GRM7: variants seen among roughly 807,000 people sequenced by gnomAD.
GRM7 encodes the protein metabotropic glutamate receptor 7.
Under a neutral mutation model 84.5 loss-of-function variants are expected in GRM7, and 35 were observed. That is an observed-to-expected ratio of 0.41 (90% CI 0.32 to 0.55). GRM7 has a LOEUF of 0.55. Among genes scored for constraint, GRM7 ranks in the 20% least tolerant of loss-of-function variants. GRM7 has a pLI of 0.19. For missense variants in GRM7, 1,003 were observed against 1,194.6 expected, an observed-to-expected ratio of 0.84 and a Z score of 2.36; for synonymous variants, 487 against 455.1, an observed-to-expected ratio of 1.07 and a Z score of -0.89.
intron 4 of GRM7, among the ~76,000 whole-genome samples, chr3:7,321,053 C>T (rs1317518811): frequency 6.6e-6 from 1 of 151,802 alleles, no homozygotes; most frequent in African/African-American, 2.4e-5. Flanking sequence ...CTTCTTTAGG[C>T]CTCACTGCTA....
intron 7 of GRM7, among the ~76,000 whole-genome samples, chr3:7,528,360 G>A (rs771059754): frequency 6.6e-6 from 1 of 151,908 alleles, no homozygotes; most frequent in African/African-American, 2.4e-5. Flanking sequence ...CTGTGGAATT[G>A]GTTGTAATGT....
chr3:7,140,551 T>C (rs1385483210), intron 1 of GRM7, among the ~76,000 whole-genome samples: 1 of 152,034 alleles, frequency 6.6e-6, no homozygotes, highest in Admixed American at 6.6e-5. Context: ...GGTTCTTTAT[T>C]TGTAAAAACA....
intron 1 of GRM7, among the ~76,000 whole-genome samples, chr3:7,064,479 T>TACACAC (rs372086997): frequency 1.0e-5 from 1 of 99,382 alleles, no homozygotes; most frequent in African/African-American, 3.9e-5. Flanking sequence ...TATATATATA[T>TACACAC]ACACACATAT....
chr3:7,497,573 G>T (rs1367847248), intron 7 of GRM7, among the ~76,000 whole-genome samples: 1 of 152,158 alleles, frequency 6.6e-6, no homozygotes, highest in Non-Finnish European at 1.5e-5. Flanking sequence ...ACTTTGCAAA[G>T]AATGTCTGCA....
At chr3:7,395,937 A>G (rs749034743) in intron 4 of GRM7, among the ~76,000 whole-genome samples, 1 of 152,206 alleles carries the variant, frequency 6.6e-6, no homozygotes, top group Non-Finnish European at 1.5e-5. Context: ...TAAATGATAC[A>G]TGTTTGGGAT....
At chr3:7,585,551 T>C (rs1695480652) in intron 8 of GRM7, among the ~76,000 whole-genome samples, 1 of 152,202 alleles carries the variant, frequency 6.6e-6, no homozygotes, top group African/African-American at 2.4e-5. Context: ...AAGGCTTTAA[T>C]CACTGGAAGT....
intron 4 of GRM7, among the ~76,000 whole-genome samples, chr3:7,326,674 C>A (rs1326557965): frequency 2.6e-5 from 4 of 151,826 alleles, no homozygotes; most frequent in Non-Finnish European, 5.9e-5. Flanking sequence ...ATGGCGAAAC[C>A]CCATTTCTAG....
intron 8 of GRM7, among the ~76,000 whole-genome samples, chr3:7,638,875 C>A (rs1698229423): frequency 6.6e-6 from 1 of 152,196 alleles, no homozygotes; most frequent in Admixed American, 6.5e-5. Flanking sequence ...GAAGAGAGAG[C>A]TAATGATTTG....
At chr3:6,923,101 G>C (rs1697179523) in intron 1 of GRM7, among the ~76,000 whole-genome samples, 1 of 151,636 alleles carries the variant, frequency 6.6e-6, no homozygotes, top group Admixed American at 6.6e-5. Flanking sequence ...TGCAACCTCT[G>C]CCCCCAGGAC....
intron 2 of GRM7, among the ~76,000 whole-genome samples, chr3:7,200,288 G>C (rs1329649493): frequency 6.6e-6 from 1 of 152,168 alleles, no homozygotes; most frequent in Non-Finnish European, 1.5e-5. Context: ...CATGACTTTT[G>C]ATGGGAACAA....
chr3:7,261,370 G>C (rs1046977780), intron 2 of GRM7, among the ~76,000 whole-genome samples: 9 of 152,168 alleles, frequency 5.9e-5, no homozygotes, highest in African/African-American at 2.2e-4. Flanking sequence ...TGGTCCAAGA[G>C]AGTGGTTTGT....
At chr3:7,253,101 A>G (rs1698065157) in intron 2 of GRM7, among the ~76,000 whole-genome samples, 3 of 151,052 alleles carry the variant, frequency 2.0e-5, no homozygotes, top group Non-Finnish European at 2.9e-5. Flanking sequence ...GTTGAGGGGT[A>G]GATGGCTGTA....
At position 7,539,294 on chromosome 3, in the gene GRM7, G is replaced by A. The variant is rs139475472; in HGVS notation, c.1516-39128G>A. 4.3e-3 allele frequency among the ~76,000 whole-genome samples: 662 copies of A among 152,228 alleles called. 3 individuals carry two copies. The highest frequency in any genetic ancestry group is 0.015 in the African/African-American group (612 of 41,538). On this transcript the variant is annotated intron_variant, in intron 7 of 9. Coordinates refer to ENST00000357716, the MANE Select transcript of GRM7 (RefSeq NM_000844.4). The stretch of plus-strand genomic sequence containing the variant: ...TTAAAAAATGTCACGAGAACAGCGT[G>A]CGTAATTCCATGAAAAAGATGTGCT...
intron 8 of GRM7, among the ~76,000 whole-genome samples, chr3:7,611,865 T>G (rs550698541): frequency 6.6e-6 from 1 of 152,194 alleles, no homozygotes; most frequent in Non-Finnish European, 1.5e-5. Flanking sequence ...AGTTAATTCA[T>G]AGTATGAGAA....
chr3:6,887,673 G>T (rs1020209625), intron 1 of GRM7, among the ~76,000 whole-genome samples: 10 of 152,046 alleles, frequency 6.6e-5, no homozygotes, highest in South Asian at 2.1e-4. Context: ...CTATTGTGAA[G>T]AGTGCTGCAA....
chr3:7,150,894 T>G (rs1380115745), intron 2 of GRM7, among the ~76,000 whole-genome samples: 2 of 152,222 alleles, frequency 1.3e-5, no homozygotes, highest in Non-Finnish European at 2.9e-5. Flanking sequence ...GGACTACATA[T>G]ATGACTCTTA....
chr3:6,915,632 ACTTT>A (rs1038650336), intron 1 of GRM7, among the ~76,000 whole-genome samples: 40 of 152,276 alleles, frequency 2.6e-4, no homozygotes, highest in Non-Finnish European at 5.3e-4. Context: ...AAATACAGAA[ACTTT>A]CTTTCTATGT....
chr3:7,112,454 G>A (rs1309780350), intron 1 of GRM7, among the ~76,000 whole-genome samples: 4 of 152,134 alleles, frequency 2.6e-5, no homozygotes, highest in Admixed American at 2.6e-4. Context: ...TCGATCTCCT[G>A]ACCTTGTGAT....
chr3:7,255,158 C>T (rs191655723), intron 2 of GRM7, among the ~76,000 whole-genome samples: 39 of 152,296 alleles, frequency 2.6e-4, no homozygotes, highest in African/African-American at 9.1e-4. Flanking sequence ...CCAGTAGATT[C>T]TCTTCAAGGA....
Sources: gnomAD v4.1 joint callset for allele counts (sites outside exome capture counted in the v4.1 genomes callset) on GRCh38, gnomAD v4.1.1 for gene constraint, MANE v1.5 for transcripts, NCBI Gene and HGNC (gene_info 2026-07-23, HGNC 2026-07-21) for gene names.